The following EFR3B variants were observed in gnomAD, a reference collection of about 807,000 sequenced individuals.
The protein encoded by EFR3B is EFR3 homolog B, also known as protein EFR3 homolog B.
In EFR3B, 64 loss-of-function variants were observed where a neutral mutation model predicts 104.7. That is an observed-to-expected ratio of 0.61 (90% CI 0.50 to 0.75). EFR3B has a LOEUF of 0.75. Ranked by LOEUF, EFR3B falls within the 30% of genes least tolerant of loss-of-function variation. EFR3B has a pLI of 0.00. For missense variants in EFR3B, 750 were observed against 1,078.5 expected (o/e 0.70, Z 4.27); for synonymous variants, 385 against 417.9 (o/e 0.92, Z 0.96).
intron 1 of EFR3B, chr2:25,081,189 C>T (rs1668793078): frequency 1.3e-6 from 1 of 769,114 alleles, no homozygotes; most frequent in Admixed American, 2.1e-5. Context: ...CAACTTTTTC[C>T]CAATCATTTC....
intron 1 of EFR3B, among the ~76,000 whole-genome samples, chr2:25,062,935 T>G (rs1411572307): frequency 6.6e-6 from 1 of 151,132 alleles, no homozygotes; most frequent in Non-Finnish European, 1.5e-5. Context: ...TTTTTCTTTT[T>G]TTTTTTTGAG....
At chr2:25,151,579 C>T (rs1217931119) in intron 20 of EFR3B, among the ~76,000 whole-genome samples, 1 of 152,092 alleles carries the variant, frequency 6.6e-6, no homozygotes, top group Non-Finnish European at 1.5e-5. Context: ...TCAAAATACC[C>T]ACAGAGTACT....
intron 21 of EFR3B, among the ~76,000 whole-genome samples, 171 bp downstream of exon 21, chr2:25,152,191 G>A (rs1481014229): frequency 6.8e-6 from 1 of 146,050 alleles, no homozygotes; most frequent in East Asian, 2.0e-4. Flanking sequence ...CTCCGCTGTT[G>A]CCCTGCCAGG....
At chr2:25,085,095 G>A (rs1031452293) in intron 1 of EFR3B, among the ~76,000 whole-genome samples, 17 of 152,280 alleles carry the variant, frequency 1.1e-4, no homozygotes, top group Middle Eastern at 6.8e-3. Context: ...ACCCTACCCC[G>A]TGTCTTCTTG....
intron 3 of EFR3B, among the ~76,000 whole-genome samples, chr2:25,097,133 TC>T (rs1392253989): frequency 1.3e-5 from 2 of 152,208 alleles, no homozygotes; most frequent in Admixed American, 1.3e-4. Flanking sequence ...TAAAAAAATG[TC>T]CTAGAGTCAG....
chr2:25,142,312 G>A (rs950435022), intron 17 of EFR3B, among the ~76,000 whole-genome samples: 2 of 151,784 alleles, frequency 1.3e-5, no homozygotes, highest in Non-Finnish European at 2.9e-5. Flanking sequence ...GTATGGTGGC[G>A]CACACCTGTA....
chr2:25,056,725 G>A (rs775822634), intron 1 of EFR3B, among the ~76,000 whole-genome samples: 2 of 151,980 alleles, frequency 1.3e-5, no homozygotes, highest in African/African-American at 2.4e-5. Context: ...CAGTAAGCAC[G>A]TCTGACCATC....
In EFR3B at chr2:25,097,938, G is replaced by A. The variant is rs547776416; in HGVS notation, c.212+4808G>A. Reference sequence around the variant, plus strand: ...GGAGCTCTCACCCAGCCAGGACCAAGCCCTGGCGGATGGAGATGGCCATGC... The same window carrying A: ...GGAGCTCTCACCCAGCCAGGACCAAACCCTGGCGGATGGAGATGGCCATGC... On this transcript the variant is annotated intron_variant, in intron 3 of 22. Coordinates refer to ENST00000403714, the MANE Select transcript of EFR3B (RefSeq NM_014971.2). Among the ~76,000 whole-genome samples the A allele has an allele frequency of 9.1e-4, 138 of 152,262 alleles. 1 individual carries two copies. The highest frequency in any genetic ancestry group is 1.4e-3 in the Non-Finnish European group (98 of 68,026).
In EFR3B at chr2:25,100,316, C is replaced by G. The variant is rs552771826; in HGVS notation, c.213-3321C>G. Among the ~76,000 whole-genome samples the G allele has an allele frequency of 6.6e-5, 10 of 152,304 alleles. No individual in the cohort carries two copies. The South Asian group carries it at 2.1e-3, about 32-fold the overall frequency. On this transcript the variant is annotated intron_variant, in intron 3 of 22. Coordinates refer to ENST00000403714, the MANE Select transcript of EFR3B (RefSeq NM_014971.2). ...AATTCATCCTTTATTACATTTACGG[C>G]ATGTGAACCTGACTTTAGAGTTTTA... is the stretch of plus-strand genomic sequence containing the variant.
intron 3 of EFR3B, among the ~76,000 whole-genome samples, chr2:25,093,948 C>T (rs1669205373): frequency 6.6e-6 from 1 of 152,276 alleles, no homozygotes; most frequent in South Asian, 2.1e-4. Flanking sequence ...AGTGACTGAT[C>T]AATAGACTTA....
At chr2:25,118,338 GCGT>G (rs1159346724) in intron 4 of EFR3B, among the ~76,000 whole-genome samples, 2 of 152,142 alleles carry the variant, frequency 1.3e-5, no homozygotes, top group African/African-American at 4.8e-5. Flanking sequence ...TTGTCTTTCT[GCGT>G]CTGATTTGTT....
chr2:25,132,760 C>T lies in EFR3B; in HGVS notation c.1148-143C>T, dbSNP rs190299433. 153 of 680,502 alleles carry T rather than the reference C, an allele frequency of 2.2e-4. 1 individual carries two copies. The African/African-American group carries it at 2.5e-3, about 11-fold the overall frequency. The allele number at this position is 680,502 out of a possible 1,614,324, so 42.2% of individuals were successfully genotyped here. A position where few individuals can be genotyped will look rare whatever the true frequency, so the allele number is the denominator to read the frequency against. ...CCTTTCCTGGAGAGGCCGAATCACA[C>T]CCGGGCTATCCTGAATCCCTTTCTC... On this transcript the variant is annotated intron_variant, in intron 10 of 22. Coordinates refer to ENST00000403714, the MANE Select transcript of EFR3B (RefSeq NM_014971.2).
At chr2:25,116,207 A>G (rs1198914248) in intron 4 of EFR3B, 1 of 152,252 alleles carries the variant, frequency 6.6e-6, no homozygotes, top group African/African-American at 2.4e-5. Flanking sequence ...CTCTTAGAAT[A>G]AGAACCTTAC....
At chr2:25,121,442 C>T (rs960328330) in intron 4 of EFR3B, among the ~76,000 whole-genome samples, 1 of 152,148 alleles carries the variant, frequency 6.6e-6, no homozygotes, top group Non-Finnish European at 1.5e-5. Flanking sequence ...CCTCTGCTCC[C>T]GCAGCAGGGG....
rs553953245 is a variant in EFR3B, at chr2:25,114,884, A to C, written c.364-6789A>C. ...CTGCCCCAGAGTAGGGGGAGCGGGC[A>C]CTTAAGGATGCAGGTACCTGGCCGG... is the stretch of plus-strand genomic sequence containing the variant. On this transcript the variant is annotated intron_variant, in intron 4 of 22. Transcript: ENST00000403714. This position sits in a 1 kb window ranked among gnomAD's most constrained non-coding sequence, Gnocchi z 4.0. Among the ~76,000 whole-genome samples, 1 of 152,294 alleles carries C rather than the reference A, an allele frequency of 6.6e-6. No homozygotes were observed. The highest frequency in any genetic ancestry group is 2.4e-5 in the African/African-American group (1 of 41,576).
At chr2:25,121,941 C>G (rs548364884) in intron 5 of EFR3B, 147 bp downstream of exon 5, 1 of 1,091,398 alleles carries the variant, frequency 9.2e-7, no homozygotes, top group Admixed American at 2.7e-5. Context: ...GGGCCAGCAC[C>G]CAGCTCCCTA....
At chr2:25,143,888 G>C in intron 18 of EFR3B, 26 bp downstream of exon 18, 3 of 1,547,460 alleles carry the variant, frequency 1.9e-6, no homozygotes, top group Non-Finnish European at 2.6e-6. Context: ...AGGGATGCCC[G>C]GGCCTGCCTC....
chr2:25,101,695 C>T (rs7566630), intron 3 of EFR3B, among the ~76,000 whole-genome samples: 17,028 of 152,106 alleles, frequency 0.11, 2,345 homozygotes, highest in African/African-American at 0.33. Flanking sequence ...GGTCTCACCT[C>T]ACAGCAAGAG....
chr2:25,099,069 A>T (rs996298934), intron 3 of EFR3B, among the ~76,000 whole-genome samples: 1 of 152,078 alleles, frequency 6.6e-6, no homozygotes, highest in African/African-American at 2.4e-5. Flanking sequence ...TTCGTAAGGG[A>T]AGAGAATCCC....
Sources: gnomAD v4.1 joint callset for allele counts (sites outside exome capture counted in the v4.1 genomes callset) on GRCh38, gnomAD v4.1.1 for gene constraint, Gnocchi (gnomAD v3.1) non-coding constraint, MANE v1.5 for transcripts, NCBI Gene and HGNC (gene_info 2026-07-23, HGNC 2026-07-21) for gene names.